Variants in SLC9A2 observed in about 807,000 individuals in gnomAD.
The protein encoded by SLC9A2 is solute carrier family 9 member A2, also known as sodium/hydrogen exchanger 2.
In SLC9A2, 42 loss-of-function variants were observed where a neutral mutation model predicts 71.7. The ratio of observed to expected loss-of-function variants is 0.59; its 90% CI spans 0.46 to 0.76. The LOEUF (loss-of-function observed/expected upper bound fraction) is 0.76. Among genes scored for constraint, SLC9A2 ranks in the 30% least tolerant of loss-of-function variants. The probability of loss-of-function intolerance (pLI) is 0.00; values close to 1 mark genes in which losing one functional copy is unlikely to be tolerated. For synonymous variants in SLC9A2, 396 were observed against 392.5 expected, an observed-to-expected ratio of 1.01 and a Z score of -0.10; for missense variants, 829 against 1,017.4, an observed-to-expected ratio of 0.81 and a Z score of 2.52.
intron 5 of SLC9A2, among the ~76,000 whole-genome samples, chr2:102,688,831 A>G (rs1677606741): frequency 6.6e-6 from 1 of 152,242 alleles, no homozygotes; most frequent in African/African-American, 2.4e-5. Flanking sequence ...TGATTAGAAT[A>G]CAATAATTAT....
chr2:102,663,758 GGT>G (rs1677087228), intron 2 of SLC9A2, among the ~76,000 whole-genome samples: 1 of 152,184 alleles, frequency 6.6e-6, no homozygotes, highest in Non-Finnish European at 1.5e-5. Flanking sequence ...GGAGATTCCA[GGT>G]GCTCCCAGAG....
intron 1 of SLC9A2, among the ~76,000 whole-genome samples, chr2:102,644,092 C>A (rs1676665666): frequency 6.6e-6 from 1 of 151,946 alleles, no homozygotes; most frequent in Non-Finnish European, 1.5e-5. Context: ...AAGTCCAATG[C>A]AGAAGGCGGG....
intron 2 of SLC9A2, among the ~76,000 whole-genome samples, chr2:102,663,885 G>A (rs149056284): frequency 5.7e-4 from 87 of 152,248 alleles, no homozygotes; most frequent in African/African-American, 2.0e-3. Flanking sequence ...ATTTCAGTTC[G>A]CTGAGTGGCC....
At chr2:102,675,126 C>T (rs917383284) in intron 3 of SLC9A2, among the ~76,000 whole-genome samples, 2 of 152,156 alleles carry the variant, frequency 1.3e-5, no homozygotes, top group Admixed American at 6.5e-5. Context: ...TTGAGTGAGA[C>T]GACCATCCTA....
intron 1 of SLC9A2, among the ~76,000 whole-genome samples, chr2:102,650,294 C>T (rs542448581): frequency 6.6e-6 from 1 of 151,894 alleles, no homozygotes; most frequent in African/African-American, 2.4e-5. Flanking sequence ...ACAGAGAGGG[C>T]CTTGAACATT....
chr2:102,644,285 C>T (rs890465197), intron 1 of SLC9A2, among the ~76,000 whole-genome samples: 1 of 152,098 alleles, frequency 6.6e-6, no homozygotes, highest in Admixed American at 6.5e-5. Context: ...CATTCTGGCC[C>T]AGATACTACA....
chr2:102,674,170 T>A (rs967619178), intron 3 of SLC9A2, among the ~76,000 whole-genome samples: 1 of 152,142 alleles, frequency 6.6e-6, no homozygotes, highest in Non-Finnish European at 1.5e-5. Context: ...GTTCTGAGGA[T>A]GACACGCTTC....
chr2:102,677,512 C>T (rs141328697), intron 3 of SLC9A2, among the ~76,000 whole-genome samples: 78 of 152,278 alleles, frequency 5.1e-4, no homozygotes, highest in African/African-American at 1.5e-3. Flanking sequence ...GCTGCATCTG[C>T]GAATTTTGTG....
chr2:102,622,487 G>A (rs1461813730), intron 1 of SLC9A2, among the ~76,000 whole-genome samples: 1 of 152,130 alleles, frequency 6.6e-6, no homozygotes, highest in Non-Finnish European at 1.5e-5. Flanking sequence ...CCTCTAGGAG[G>A]CACTTAAGGG....
intron 1 of SLC9A2, among the ~76,000 whole-genome samples, chr2:102,644,634 G>A (rs1466876409): frequency 6.6e-6 from 1 of 152,130 alleles, no homozygotes; most frequent in Non-Finnish European, 1.5e-5. Context: ...TGCAGGGAGG[G>A]GTACCTGCCA....
In SLC9A2 at chr2:102,658,026, T is replaced by C; in HGVS notation, c.752T>C (p.Val251Ala). 6.3e-7 allele frequency: 1 copy of C among 1,596,264 alleles called. No homozygotes were observed. ...TCCCTGCTGAATGATGCAGTAACAG[T>C]GGTGAGTCACATTCACACTGCATGA... is the stretch of plus-strand genomic sequence containing the variant. ...GESLLNDAVT[V>A]VLYNLFKSFC... Residue 251 changes from valine (V) to alanine (A), a missense_variant and splice_region_variant, in exon 2 of 12, where the codon GTG (valine) becomes GCG (alanine). Physicochemically the swap from Val to Ala is moderately conservative, Grantham distance 64. Transcript: ENST00000233969.
At chr2:102,621,000 C>A (rs1487521743) in intron 1 of SLC9A2, among the ~76,000 whole-genome samples, 1 of 151,278 alleles carries the variant, frequency 6.6e-6, no homozygotes, top group Admixed American at 6.6e-5. Context: ...ACTAAAAATA[C>A]AAAAAAATTA....
At chr2:102,704,499 T>G in intron 9 of SLC9A2, 45 bp from the exon 10 acceptor site, 1 of 1,575,796 alleles carries the variant, frequency 6.3e-7, no homozygotes, top group Non-Finnish European at 8.7e-7. Context: ...AATGATCAGG[T>G]TTTTGTTTTT....
intron 1 of SLC9A2, among the ~76,000 whole-genome samples, chr2:102,623,597 G>T (rs1676186309): frequency 6.6e-6 from 1 of 152,162 alleles, no homozygotes; most frequent in South Asian, 2.1e-4. Flanking sequence ...TGAAAAAGCT[G>T]TTTTGTGGTG....
intron 1 of SLC9A2, among the ~76,000 whole-genome samples, chr2:102,624,962 TC>T (rs1261269043): frequency 6.6e-6 from 1 of 152,190 alleles, no homozygotes; most frequent in Admixed American, 6.5e-5. Context: ...AGTCTGTTTT[TC>T]TTTGTCCTCT....
At chr2:102,648,210 T>A (rs1162966471) in intron 1 of SLC9A2, among the ~76,000 whole-genome samples, 1 of 152,024 alleles carries the variant, frequency 6.6e-6, no homozygotes, top group Non-Finnish European at 1.5e-5. Context: ...ATAAACATAA[T>A]CCATCATATA....
At chr2:102,648,100 A>G (rs1362290681) in intron 1 of SLC9A2, among the ~76,000 whole-genome samples, 2 of 152,232 alleles carry the variant, frequency 1.3e-5, no homozygotes, top group Non-Finnish European at 2.9e-5. Flanking sequence ...TCAATAAAAT[A>G]CTTGCAAACT....
intron 1 of SLC9A2, among the ~76,000 whole-genome samples, chr2:102,657,248 C>T (rs1256717966): frequency 6.6e-6 from 1 of 151,868 alleles, no homozygotes; most frequent in Admixed American, 6.6e-5. Context: ...TGTGTTATTC[C>T]ATTTCCACAG....
intron 1 of SLC9A2, among the ~76,000 whole-genome samples, chr2:102,634,856 GCAGGGTTCACAGTCAGCTGA>G (rs1321619269): frequency 6.6e-6 from 1 of 152,108 alleles, no homozygotes; most frequent in Non-Finnish European, 1.5e-5. Flanking sequence ...GACTAGGCCT[GCAGGGTTCACAGTCAGCTGA>G]GACTCCCTAT....
Sources: allele counts gnomAD v4.1 joint callset (sites outside exome capture counted in the v4.1 genomes callset), GRCh38; gene constraint gnomAD v4.1.1; transcripts MANE v1.5; gene names NCBI Gene and HGNC (gene_info 2026-07-23, HGNC 2026-07-21).